Variants in CKAP5 observed in about 807,000 individuals in gnomAD.
CKAP5 encodes cytoskeleton associated protein 5, also known as cytoskeleton-associated protein 5.
Under a neutral mutation model 232.8 loss-of-function variants are expected in CKAP5, and 27 were observed. The observed-to-expected ratio is 0.12, with a 90% CI of 0.09 to 0.16. The LOEUF is 0.16. Among genes scored for constraint, CKAP5 ranks in the 10% least tolerant of loss-of-function variants. The probability of loss-of-function intolerance (pLI) is 1.00; values close to 1 mark genes in which losing one functional copy is unlikely to be tolerated. For synonymous variants in CKAP5, 785 were observed against 841.1 expected (o/e 0.93, Z 1.16); for missense variants, 1,838 against 2,424.7 (o/e 0.76, Z 5.08).
chr11:46,817,203 C>T (rs1478891823), intron 3 of CKAP5, among the ~76,000 whole-genome samples: 1 of 152,064 alleles, frequency 6.6e-6, no homozygotes, highest in Non-Finnish European at 1.5e-5. Flanking sequence ...TGACCTCAAA[C>T]TCCTGGGCTC....
At chr11:46,836,491 T>C (rs1252432479) in intron 1 of CKAP5, among the ~76,000 whole-genome samples, 3 of 152,168 alleles carry the variant, frequency 2.0e-5, no homozygotes, top group Admixed American at 6.5e-5. Flanking sequence ...GATGGGAGGA[T>C]TGCTTGAGGC....
chr11:46,794,527 T>C (rs766514806), intron 13 of CKAP5, among the ~76,000 whole-genome samples: 8 of 152,054 alleles, frequency 5.3e-5, no homozygotes, highest in Non-Finnish European at 8.8e-5. Flanking sequence ...CAACTACAGA[T>C]TGCCACCTGC....
At chr11:46,830,041 C>T (rs1939744520) in intron 1 of CKAP5, among the ~76,000 whole-genome samples, 1 of 151,934 alleles carries the variant, frequency 6.6e-6, no homozygotes, top group Non-Finnish European at 1.5e-5. Context: ...GGGGATTACC[C>T]TGGATTGTTT....
At chr11:46,839,838 A>G (rs1940007925) in intron 1 of CKAP5, among the ~76,000 whole-genome samples, 1 of 152,174 alleles carries the variant, frequency 6.6e-6, no homozygotes, top group African/African-American at 2.4e-5. Flanking sequence ...CATTGTGAGG[A>G]TAAAAAAAGA....
chr11:46,799,270 G>C (rs1335590426), intron 9 of CKAP5, among the ~76,000 whole-genome samples: 2 of 151,974 alleles, frequency 1.3e-5, no homozygotes, highest in African/African-American at 4.8e-5. Flanking sequence ...GGCTGGGGAA[G>C]AAAATTTCTA....
At chr11:46,756,186 T>A (rs1331313552) in intron 35 of CKAP5, among the ~76,000 whole-genome samples, 1 of 152,224 alleles carries the variant, frequency 6.6e-6, no homozygotes, top group East Asian at 1.9e-4. Context: ...TTCTGTGGAT[T>A]CTACTTCCAA....
rs1470303692 is a variant in CKAP5 at position 46,790,195 on chromosome 11, T to C, written c.1765-9A>G. ...TCTTCACATACTTCTATCTGTAAGA[T>C]ACAAAAACATATTAGAATTAGGAAT... On this transcript the variant is annotated splice_polypyrimidine_tract_variant and intron_variant, in intron 14 of 43. Transcript: ENST00000529230. 3.2e-6 allele frequency: 5 copies of C among 1,547,548 alleles called. No homozygotes were observed. Among genetic ancestry groups the C allele is most frequent in the Admixed American group, 1.7e-5 (1 of 57,418 alleles).
In CKAP5 at chr11:46,750,606, T is replaced by C. The variant is rs1261488339; in HGVS notation, c.5466A>G (p.Glu1822=). The change falls in exon 41 of 44, where the codon GAA becomes GAG. Residue 1822 remains glutamate (E), a synonymous_variant. Coordinates refer to ENST00000529230, the MANE Select transcript of CKAP5 (RefSeq NM_001008938.4). ...ETEKGASRID[E]KSSKAKVNDF... Reference sequence around the variant, plus strand: ...CATTCACTTTGGCCTTTGATGATTTTTCATCCTGAAAAGTTGAAAGACATA... The same window carrying C: ...CATTCACTTTGGCCTTTGATGATTTCTCATCCTGAAAAGTTGAAAGACATA... 2.5e-6 allele frequency: 4 copies of C among 1,612,276 alleles called. No homozygotes were observed. Among genetic ancestry groups the C allele is most frequent in the Non-Finnish European group, 3.4e-6 (4 of 1,179,050 alleles).
At chr11:46,752,065 C>A (rs1424508534) in intron 38 of CKAP5, among the ~76,000 whole-genome samples, 1 of 150,078 alleles carries the variant, frequency 6.7e-6, no homozygotes, top group Non-Finnish European at 1.5e-5. Flanking sequence ...AAAATATTTA[C>A]AAAATATTTC....
chr11:46,784,357 C>T, intron 17 of CKAP5, 131 bp downstream of exon 17: 4 of 725,990 alleles, frequency 5.5e-6, no homozygotes, highest in South Asian at 1.9e-5. Flanking sequence ...AGTGAAACTC[C>T]ATCTCAAAAA....
chr11:46,801,316 GGT>G lies in CKAP5; in HGVS notation c.979-14_979-13del. The G allele has an allele frequency of 6.3e-7, 1 of 1,596,598 alleles. No homozygotes were observed. Among genetic ancestry groups the G allele is most frequent in the Non-Finnish European group, 8.6e-7 (1 of 1,164,544 alleles). Reference sequence around the variant, plus strand: ...TCCTTTCCAACAACCTACAAAGGGGGGTAAAAAGGAAAACAAAATAGTCACAG... The same window carrying G: ...TCCTTTCCAACAACCTACAAAGGGGGAAAAAGGAAAACAAAATAGTCACAG... On this transcript the variant is annotated splice_polypyrimidine_tract_variant and intron_variant, in intron 8 of 43. Transcript: ENST00000529230.
At chr11:46,781,482 T>A (rs775191173) in intron 18 of CKAP5, among the ~76,000 whole-genome samples, 5 of 152,180 alleles carry the variant, frequency 3.3e-5, no homozygotes, top group Admixed American at 6.5e-5. Flanking sequence ...AGGCCCCACA[T>A]GACCTAGCCC....
chr11:46,764,759 TA>T (rs1282517490), intron 28 of CKAP5, among the ~76,000 whole-genome samples: 1 of 152,148 alleles, frequency 6.6e-6, no homozygotes, highest in Non-Finnish European at 1.5e-5. Context: ...TTTAAGTATC[TA>T]ATGAAATCAA....
Position 46,756,100 on chromosome 11 carries a change from G to A in CKAP5, c.4690-1033C>T, listed in dbSNP as rs148933361. ...AAAAACTCAGCTTTCTCACATACTG[G>A]TCCAGTGTTCTGTTGCAGTACACTG... is the stretch of plus-strand genomic sequence containing the variant. On this transcript the variant is annotated intron_variant, in intron 35 of 43. Transcript: ENST00000529230. Among the ~76,000 whole-genome samples, 421 of 152,250 alleles carry A rather than the reference G, an allele frequency of 2.8e-3. 2 individuals are homozygous for A. Among genetic ancestry groups the A allele is most frequent in the African/African-American group, 9.6e-3 (399 of 41,538 alleles).
chr11:46,754,972 G>T lies in CKAP5; in HGVS notation c.4785C>A (p.Ile1595=). The T allele has an allele frequency of 6.2e-7, 1 of 1,613,986 alleles. No homozygotes were observed. ...LIATFMQLRL[I]YNTHMADEKL... ...TCTCATCTGCCATGTGTGTGTTGTA[G>T]ATGAGTCTTAGCTGCATAAAAGTGG... Residue 1595 remains isoleucine (I), a synonymous_variant, in exon 36 of 44, where the codon ATC becomes ATA. Transcript: ENST00000529230.
Position 46,762,050 on chromosome 11 carries a change from C to A in CKAP5, c.4171G>T (p.Val1391Leu), listed in dbSNP as rs765538750. 32 of 1,613,986 alleles carry A rather than the reference C, an allele frequency of 2.0e-5. No individual in the cohort carries two copies. Among genetic ancestry groups the A allele is most frequent in the Admixed American group, 3.3e-5 (2 of 60,010 alleles). ...AVRNAALNTIVTVYNVHGDQV... is the reference protein window; with the variant it reads ...AVRNAALNTILTVYNVHGDQV... The stretch of plus-strand genomic sequence containing the variant: ...TCCCCATGTACATTGTACACCGTTA[C>A]AATGGTGTTGAGTGCAGCATTGCGT... Residue 1391 changes from valine to leucine, a missense_variant, in exon 32 of 44, where the codon GTA (valine) becomes TTA (leucine). Around this residue, in one of 6 missense-constraint regions of CKAP5, gnomAD observed 579 missense variants for 843.2 expected, o/e 0.69. Transcript: ENST00000529230.
intron 15 of CKAP5, among the ~76,000 whole-genome samples, chr11:46,789,483 C>A (rs1414947301): frequency 6.6e-6 from 1 of 152,128 alleles, no homozygotes; most frequent in Non-Finnish European, 1.5e-5. Context: ...TGAGCAAGTA[C>A]CATAGTTAAA....
intron 18 of CKAP5, among the ~76,000 whole-genome samples, chr11:46,781,621 T>C (rs1435925325): frequency 6.6e-6 from 1 of 152,196 alleles, no homozygotes; most frequent in African/African-American, 2.4e-5. Flanking sequence ...CACAGAGCTT[T>C]TGGCATTTGC....
At chr11:46,834,336 T>C (rs1246350966) in intron 1 of CKAP5, among the ~76,000 whole-genome samples, 2 of 151,748 alleles carry the variant, frequency 1.3e-5, no homozygotes, top group East Asian at 1.9e-4. Flanking sequence ...CTGGCCAACA[T>C]AGTGAAACCC....
Sources: allele counts gnomAD v4.1 joint callset (sites outside exome capture counted in the v4.1 genomes callset), GRCh38; gene constraint gnomAD v4.1.1; regional missense constraint gnomAD v4.1.1; transcripts MANE v1.5; gene names NCBI Gene and HGNC (gene_info 2026-07-23, HGNC 2026-07-21).